SCAF11: variants seen among roughly 807,000 people sequenced by gnomAD.
SCAF11 encodes the protein SR-related CTD associated factor 11.
SCAF11 carries 47 observed loss-of-function variants against 140.5 expected under a neutral mutation model. The observed-to-expected ratio is 0.33, with a 90% CI of 0.26 to 0.43. SCAF11 has a LOEUF of 0.43. Ranked by LOEUF, SCAF11 falls within the 20% of genes least tolerant of loss-of-function variation. The probability of loss-of-function intolerance (pLI) is 1.00; values close to 1 mark genes in which losing one functional copy is unlikely to be tolerated. For missense variants in SCAF11, 1,645 were observed against 1,705.1 expected (o/e 0.96, Z 0.62); for synonymous variants, 557 against 579.4 (o/e 0.96, Z 0.55).
intron 1 of SCAF11, among the ~76,000 whole-genome samples, chr12:45,989,650 G>A (rs1289164434): frequency 6.6e-6 from 1 of 152,172 alleles, no homozygotes; most frequent in Non-Finnish European, 1.5e-5. Context: ...CAGAAGGGGC[G>A]ACTGATTAGG....
chr12:45,966,140 G>C lies in SCAF11; in HGVS notation c.-21-1952C>G, dbSNP rs765638595. 2.4e-4 allele frequency among the ~76,000 whole-genome samples: 37 copies of C among 152,146 alleles called. 1 individual carries two copies. The highest frequency in any genetic ancestry group is 1.6e-3 in the Admixed American group (24 of 15,276). Reference sequence around the variant, plus strand: ...AACAACATAATGATGAATGTCCAGGGAAGATGACTAAAATGGTGACAGCCC... The same window carrying C: ...AACAACATAATGATGAATGTCCAGGCAAGATGACTAAAATGGTGACAGCCC... On this transcript the variant is annotated intron_variant, in intron 1 of 14. Transcript: ENST00000369367.
chr12:45,942,617 T>C (rs1313520796), intron 6 of SCAF11, among the ~76,000 whole-genome samples: 1 of 152,210 alleles, frequency 6.6e-6, no homozygotes, highest in Non-Finnish European at 1.5e-5. Context: ...TCCAAGAATA[T>C]TCCTGTCTCA....
chr12:45,958,361 A>G (rs1246508953), intron 3 of SCAF11, among the ~76,000 whole-genome samples: 1 of 152,236 alleles, frequency 6.6e-6, no homozygotes, highest in East Asian at 1.9e-4. Flanking sequence ...AAAGCTATCA[A>G]TAAGTATATA....
intron 1 of SCAF11, among the ~76,000 whole-genome samples, chr12:45,985,660 T>C (rs960669777): frequency 6.6e-6 from 1 of 152,348 alleles, no homozygotes; most frequent in East Asian, 1.9e-4. Context: ...TGAAAATGTA[T>C]GTAAAATGTC....
In SCAF11 at chr12:45,932,938, T is replaced by G. The variant is rs184416894; in HGVS notation, c.734+193A>C. On this transcript the variant is annotated intron_variant, in intron 9 of 14. Transcript: ENST00000369367. ...AGCTATACTTGTTAAACAGATAAAT[T>G]AAGGATTCTTTACTTTCTAAGGGGT... 7.9e-5 allele frequency among the ~76,000 whole-genome samples: 12 copies of G among 152,224 alleles called. No homozygotes were observed. The East Asian group carries it at 2.3e-3, about 29-fold the overall frequency.
intron 5 of SCAF11, among the ~76,000 whole-genome samples, 196 bp from the exon 6 acceptor site, chr12:45,945,509 A>G (rs1945401011): frequency 6.6e-6 from 1 of 151,420 alleles, no homozygotes; most frequent in Non-Finnish European, 1.5e-5. Flanking sequence ...TTAGGTTTTA[A>G]TATCTATTGA....
chr12:45,926,328 G>A lies in SCAF11; in HGVS notation c.3373C>T (p.Arg1125Ter), dbSNP rs757840404. 3 of 1,614,014 alleles carry A rather than the reference G, an allele frequency of 1.9e-6. No homozygotes were observed. Among genetic ancestry groups the A allele is most frequent in the Non-Finnish European group, 2.5e-6 (3 of 1,179,984 alleles). ...AATGAGAACTCCTGTTCACTTTTTCGCTTATAGGATTGCTGTTCCACAAAC... is the reference window on the plus strand; with the variant it reads ...AATGAGAACTCCTGTTCACTTTTTCACTTATAGGATTGCTGTTCCACAAAC... ...FKFVEQQSYKRKSEQEFSFDT... is the reference protein window; with the variant it reads ...FKFVEQQSYK Residue 1125 changes from arginine to a stop codon, truncating the protein, a stop_gained, in exon 11 of 15, where the codon CGA (arginine) becomes TGA (stop). Coordinates refer to ENST00000369367, the MANE Select transcript of SCAF11 (RefSeq NM_004719.3). LOFTEE classifies it high-confidence loss of function.
At chr12:45,924,635 G>C in intron 12 of SCAF11, 93 bp downstream of exon 12, 1 of 979,404 alleles carries the variant, frequency 1.0e-6, no homozygotes, top group Non-Finnish European at 1.5e-6. Flanking sequence ...AATTGTTTTT[G>C]AATGCCAGGA....
At chr12:45,961,528 T>TA in intron 3 of SCAF11, 172 bp downstream of exon 3, 2 of 612,004 alleles carry the variant, frequency 3.3e-6, no homozygotes, top group Non-Finnish European at 5.5e-6. Flanking sequence ...CAAAGCCTGA[T>TA]AAAAGAAAAT....
At chr12:45,978,507 A>C (rs1441079968) in intron 1 of SCAF11, among the ~76,000 whole-genome samples, 3 of 152,186 alleles carry the variant, frequency 2.0e-5, no homozygotes, top group African/African-American at 7.2e-5. Flanking sequence ...AAAAAGCAAA[A>C]GAGCAGTGAG....
intron 2 of SCAF11, among the ~76,000 whole-genome samples, chr12:45,963,798 G>C (rs142000436): frequency 9.9e-5 from 15 of 152,220 alleles, no homozygotes; most frequent in African/African-American, 3.1e-4. Context: ...GCAGAGGACA[G>C]TACCAACGCT....
At position 45,928,058 on chromosome 12, in the gene SCAF11, T is replaced by C; in HGVS notation, c.1643A>G (p.Asn548Ser). 1 of 1,613,872 alleles carries C rather than the reference T, an allele frequency of 6.2e-7. No individual in the cohort carries two copies. The highest frequency in any genetic ancestry group is 2.2e-5 in the East Asian group (1 of 44,874). ...KTDVCTVHLPNDFPTCLTSES... is the reference protein window; with the variant it reads ...KTDVCTVHLPSDFPTCLTSES... ...AGATGTTAAACATGTAGGAAAATCA[T>C]TTGGAAGATGAACTGTACATACATC... Residue 548 changes from asparagine to serine, a missense_variant, in exon 11 of 15, where the codon AAT (asparagine) becomes AGT (serine). Physicochemically the swap from Asn to Ser is conservative, Grantham distance 46 (BLOSUM62 1). This residue lies in a region of SCAF11 where 1,582 missense variants were observed against 1,609.2 expected (regional missense o/e 0.98). Transcript: ENST00000369367.
chr12:45,930,456 G>T (rs78420182), intron 10 of SCAF11, among the ~76,000 whole-genome samples: 12,454 of 130,268 alleles, frequency 0.096, 1,914 homozygotes, highest in African/African-American at 0.33. Flanking sequence ...TTTTTTTTTT[G>T]TTTTTTTTTT....
chr12:45,952,776 A>G (rs1945581908), intron 3 of SCAF11, among the ~76,000 whole-genome samples: 1 of 152,250 alleles, frequency 6.6e-6, no homozygotes. Flanking sequence ...AGGTGATATT[A>G]TTAATACCTA....
chr12:45,949,320 C>T (rs527633107), intron 4 of SCAF11, among the ~76,000 whole-genome samples: 39 of 152,078 alleles, frequency 2.6e-4, no homozygotes, highest in African/African-American at 8.7e-4. Context: ...AAAATAGACA[C>T]AAGATTTCAA....
At chr12:45,984,534 G>C (rs1349579427) in intron 1 of SCAF11, among the ~76,000 whole-genome samples, 1 of 151,994 alleles carries the variant, frequency 6.6e-6, no homozygotes, top group Non-Finnish European at 1.5e-5. Flanking sequence ...TTGTCCCATT[G>C]GTAATTAACA....
intron 1 of SCAF11, among the ~76,000 whole-genome samples, chr12:45,989,034 A>C (rs947504507): frequency 1.3e-5 from 2 of 152,332 alleles, no homozygotes; most frequent in East Asian, 3.9e-4. Context: ...TTTTTCTTGC[A>C]TCTTTTAACC....
intron 8 of SCAF11, 88 bp from the exon 9 acceptor site, chr12:45,933,320 T>C (rs771590649): frequency 1.3e-4 from 101 of 776,164 alleles, no homozygotes; most frequent in Non-Finnish European, 2.0e-4. Context: ...AGCAGTCGTT[T>C]TTGTACCTGG....
chr12:45,966,305 T>C lies in SCAF11; in HGVS notation c.-21-2117A>G, dbSNP rs114785576. On this transcript the variant is annotated intron_variant, in intron 1 of 14. Transcript: ENST00000369367. ...AGGTAGAATAATCTATCAATGAAAG[T>C]ATTCAAGCAAAGGCCCAGTGATCTT... Among the ~76,000 whole-genome samples the C allele has an allele frequency of 5.1e-3, 773 of 151,816 alleles. 11 individuals are homozygous for C. The highest frequency in any genetic ancestry group is 0.018 in the African/African-American group (738 of 41,440).
Sources: gnomAD v4.1 joint callset for allele counts (sites outside exome capture counted in the v4.1 genomes callset) on GRCh38, gnomAD v4.1.1 for gene constraint, gnomAD v4.1.1 regional missense constraint, MANE v1.5 for transcripts, NCBI Gene and HGNC (gene_info 2026-07-23, HGNC 2026-07-21) for gene names.